The following GNAI2 variants were observed in gnomAD, a reference collection of about 807,000 sequenced individuals.
The protein encoded by GNAI2 is guanine nucleotide-binding protein G(i) subunit alpha-2.
In GNAI2, 4 loss-of-function variants were observed where a neutral mutation model predicts 36.8. The observed-to-expected ratio is 0.11, with a 90% CI of 0.05 to 0.25. GNAI2 has a LOEUF of 0.25. Ranked by LOEUF, GNAI2 falls within the 10% of genes least tolerant of loss-of-function variation. GNAI2 has a pLI of 1.00. For synonymous variants in GNAI2, 194 were observed against 194.1 expected (o/e 1.00, Z 0.01); for missense variants, 230 against 481.3 (o/e 0.48, Z 4.89).
At position 50,253,887 on chromosome 3, in the gene GNAI2, G is replaced by C. The variant is rs1553702864; in HGVS notation, c.464+703G>C. The stretch of plus-strand genomic sequence containing the variant: ...CAGGATTGCTGAGCTCTGAAGGAGA[G>C]TCAGCCAGGGGAGGAGTGGATGAGG... On this transcript the variant is annotated intron_variant, in intron 4 of 8. Coordinates refer to ENST00000313601, the MANE Select transcript of GNAI2 (RefSeq NM_002070.4). This position sits in a 1 kb window ranked among gnomAD's most constrained non-coding sequence, Gnocchi z 4.2. 6.6e-6 allele frequency among the ~76,000 whole-genome samples: 1 copy of C among 152,154 alleles called. No individual in the cohort carries two copies. Among genetic ancestry groups the C allele is most frequent in the African/African-American group, 2.4e-5 (1 of 41,428 alleles).
chr3:50,235,195 G>A (rs1700137272), upstream of GNAI2: 1 of 148,366 alleles, frequency 6.7e-6, no homozygotes, highest in Admixed American at 6.7e-5. Context: ...CCTGGTCCCA[G>A]ATTGGAGTCC....
intron 1 of GNAI2, among the ~76,000 whole-genome samples, chr3:50,246,116 G>C (rs781793806): frequency 7.9e-5 from 12 of 152,244 alleles, no homozygotes; most frequent in Non-Finnish European, 1.6e-4. Flanking sequence ...GCAGCACCTG[G>C]AGGAAGGAAG....
intron 5 of GNAI2, 47 bp downstream of exon 5, chr3:50,256,367 CTG>C: frequency 6.3e-7 from 1 of 1,591,152 alleles, no homozygotes; most frequent in Non-Finnish European, 8.6e-7. Context: ...CTGCCAGCCT[CTG>C]GGGTAGCAGA....
chr3:50,246,289 G>A (rs1346984963), intron 1 of GNAI2, among the ~76,000 whole-genome samples: 1 of 152,200 alleles, frequency 6.6e-6, no homozygotes, highest in Non-Finnish European at 1.5e-5. Flanking sequence ...GGCTGAGGCT[G>A]CTTTTCTGAA....
rs1029663062 is a variant in GNAI2, at chr3:50,259,132, T to G, written c.*789T>G. ...TGTTCCAGACAACTGCCAACGTCAC[T>G]GAGGGCCCTGCCCCAGCGGCCCTGG... On this transcript the variant is annotated 3_prime_UTR_variant, in exon 9 of 9. Coordinates refer to ENST00000313601, the MANE Select transcript of GNAI2 (RefSeq NM_002070.4). 25 of 343,180 alleles carry G rather than the reference T, an allele frequency of 7.3e-5. 2 individuals carry two copies. The highest frequency in any genetic ancestry group is 5.2e-4 in the South Asian group (23 of 43,824). The allele number at this position is 343,180 out of a possible 1,614,324, so 21.3% of individuals were successfully genotyped here. A position where few individuals can be genotyped will look rare whatever the true frequency, so the allele number is the denominator to read the frequency against.
In GNAI2 at chr3:50,252,583, C is replaced by A; in HGVS notation, c.303+45C>A. 6.5e-7 allele frequency: 1 copy of A among 1,544,690 alleles called. No homozygotes were observed. Among genetic ancestry groups the A allele is most frequent in the Non-Finnish European group, 8.9e-7 (1 of 1,127,508 alleles). On this transcript the variant is annotated intron_variant, in intron 3 of 8. Transcript: ENST00000313601. This position sits in a 1 kb window ranked among gnomAD's most constrained non-coding sequence, Gnocchi z 4.1. Reference sequence around the variant, plus strand: ...CCCTCTCCCACCTCCCAAAAGGTTTCGGGGTGGCTGGTTGTGGTGGCTCAT... The same window carrying A: ...CCCTCTCCCACCTCCCAAAAGGTTTAGGGGTGGCTGGTTGTGGTGGCTCAT...
chr3:50,244,046 T>C (rs1700359141), intron 1 of GNAI2, among the ~76,000 whole-genome samples: 1 of 137,188 alleles, frequency 7.3e-6, no homozygotes. Flanking sequence ...TTTTTTTTTT[T>C]GAGATGGAGT....
At chr3:50,233,527 G>A (rs1169604255), upstream of GNAI2, among the ~76,000 whole-genome samples, 4 of 152,226 alleles carry the variant, frequency 2.6e-5, no homozygotes, top group South Asian at 2.1e-4. Flanking sequence ...TAGTCTGTGC[G>A]TGGACAGATT....
chr3:50,244,025 CTTTTTT>C (rs782681282), intron 1 of GNAI2, among the ~76,000 whole-genome samples: 1 of 120,412 alleles, frequency 8.3e-6, no homozygotes, highest in African/African-American at 3.3e-5. Context: ...CCCTCCACTC[CTTTTTT>C]TTTTTTTTTT....
At chr3:50,239,743 C>T (rs1410675626) in intron 1 of GNAI2, 1 of 152,258 alleles carries the variant, frequency 6.6e-6, no homozygotes, top group Non-Finnish European at 1.5e-5. Context: ...GTTCTTATCC[C>T]ACCCTGTGCG....
chr3:50,251,794 A>T (rs1037520658), intron 1 of GNAI2: 173 of 1,308,546 alleles, frequency 1.3e-4, no homozygotes, highest in Non-Finnish European at 1.6e-4. Flanking sequence ...ATGGCTGGCC[A>T]AGTCTCCAGC....
Position 50,257,721 on chromosome 3 carries a change from C to G in GNAI2, c.*24+7C>G. On this transcript the variant is annotated splice_region_variant and intron_variant, in intron 8 of 8. Transcript: ENST00000313601. Reference sequence around the variant, plus strand: ...AGCGGGGCCTGGCGGGATGGTGAGCCAGAGGGGCTGTGGCAGGGTGCTGGG... The same window carrying G: ...AGCGGGGCCTGGCGGGATGGTGAGCGAGAGGGGCTGTGGCAGGGTGCTGGG... The G allele has an allele frequency of 2.7e-6, 4 of 1,463,036 alleles. No homozygotes were observed. In the South Asian group the frequency reaches 5.4e-5, roughly 20 times the overall value. 90.6% of individuals were successfully genotyped at this position (1,463,036 alleles called of 1,614,324 possible).
chr3:50,255,226 C>A lies in GNAI2; in HGVS notation c.465-966C>A, dbSNP rs1159730855. ...ATGAAAAGTCAGCTCTGGGCAGCAGCCTGGAGGCCTGGGACCAGCCTCCAG... is the reference window on the plus strand; with the variant it reads ...ATGAAAAGTCAGCTCTGGGCAGCAGACTGGAGGCCTGGGACCAGCCTCCAG... On this transcript the variant is annotated intron_variant, in intron 4 of 8. Transcript: ENST00000313601. The surrounding 1 kb of genome is among the most constrained non-coding windows in gnomAD (Gnocchi z 4.0). Among the ~76,000 whole-genome samples, 1 of 152,232 alleles carries A rather than the reference C, an allele frequency of 6.6e-6. No homozygotes were observed. The highest frequency in any genetic ancestry group is 1.5e-5 in the Non-Finnish European group (1 of 68,036).
chr3:50,234,437 C>T (rs1035100855), upstream of GNAI2, among the ~76,000 whole-genome samples: 12 of 151,692 alleles, frequency 7.9e-5, no homozygotes, highest in African/African-American at 1.7e-4. Context: ...CTGCAACCTC[C>T]GCCTCCTGGG....
chr3:50,252,011 CT>C lies in GNAI2; in HGVS notation c.119-88del. Reference sequence around the variant, plus strand: ...CAGCTGGTGGGAAGGTTAGTTCTGCCTCCTGGGCTACAGGTGTCTGGGCATT... The same window carrying C: ...CAGCTGGTGGGAAGGTTAGTTCTGCCCCTGGGCTACAGGTGTCTGGGCATT... On this transcript the variant is annotated intron_variant, in intron 1 of 8. Coordinates refer to ENST00000313601, the MANE Select transcript of GNAI2 (RefSeq NM_002070.4). The surrounding 1 kb of genome is among the most constrained non-coding windows in gnomAD (Gnocchi z 4.1). The C allele has an allele frequency of 1.5e-6, 2 of 1,321,186 alleles. No individual in the cohort carries two copies. Among genetic ancestry groups the C allele is most frequent in the Non-Finnish European group, 2.2e-6 (2 of 928,602 alleles). 81.8% of individuals were successfully genotyped at this position (1,321,186 alleles called of 1,614,324 possible). A position where few individuals can be genotyped will look rare whatever the true frequency, so the allele number is the denominator to read the frequency against.
chr3:50,247,909 G>A (rs1553701930), intron 1 of GNAI2, among the ~76,000 whole-genome samples: 1 of 152,238 alleles, frequency 6.6e-6, no homozygotes, highest in African/African-American at 2.4e-5. Context: ...ACCTTCTATT[G>A]CCTCAGTTCC....
upstream of GNAI2, among the ~76,000 whole-genome samples, chr3:50,234,970 G>A (rs1318230078): frequency 6.6e-6 from 1 of 152,222 alleles, no homozygotes; most frequent in Non-Finnish European, 1.5e-5. Context: ...CAGGCCACAG[G>A]AGGGTGGGAT....
chr3:50,232,635 T>C (rs991746439), upstream of GNAI2, among the ~76,000 whole-genome samples: 1 of 152,198 alleles, frequency 6.6e-6, no homozygotes, highest in Non-Finnish European at 1.5e-5. Context: ...GGGGGCTTCA[T>C]CTATTCTCAG....
intron 1 of GNAI2, chr3:50,239,808 G>T (rs1481945021): frequency 6.6e-6 from 1 of 152,262 alleles, no homozygotes; most frequent in Non-Finnish European, 1.5e-5. Flanking sequence ...CAGGCTGTTG[G>T]TGCACTGCTA....
Sources: allele counts gnomAD v4.1 joint callset (sites outside exome capture counted in the v4.1 genomes callset), GRCh38; gene constraint gnomAD v4.1.1; non-coding constraint Gnocchi (gnomAD v3.1); transcripts MANE v1.5; gene names NCBI Gene and HGNC (gene_info 2026-07-23, HGNC 2026-07-21).